ADA2: variants seen among roughly 807,000 people sequenced by gnomAD.
ADA2 encodes the protein adenosine deaminase 2.
ADA2 carries 29 observed loss-of-function variants against 44.2 expected under a neutral mutation model. The observed-to-expected ratio is 0.66, with a 90% CI of 0.49 to 0.89. The LOEUF is 0.89. ADA2 is among the 40% of genes least tolerant of loss of function. The pLI is 0.00. For synonymous variants in ADA2, 215 were observed against 234.9 expected (o/e 0.92, Z 0.77); for missense variants, 637 against 644.8 (o/e 0.99, Z 0.13).
intron 7 of ADA2, among the ~76,000 whole-genome samples, chr22:17,185,371 G>A (rs1389676716): frequency 2.0e-5 from 3 of 151,662 alleles, no homozygotes; most frequent in Non-Finnish European, 4.4e-5. Context: ...AGTTGAGATC[G>A]TGCCACTGCA....
chr22:17,198,695 C>G (rs927856781), intron 4 of ADA2: 1 of 152,202 alleles, frequency 6.6e-6, no homozygotes, highest in African/African-American at 2.4e-5. Context: ...TCCATAAGTG[C>G]CAGCAGGGCC....
intron 1 of ADA2, among the ~76,000 whole-genome samples, chr22:17,211,189 G>C (rs138273536): frequency 6.6e-6 from 1 of 151,700 alleles, no homozygotes; most frequent in Non-Finnish European, 1.5e-5. Flanking sequence ...ATGAAAACCC[G>C]TCCTACTAAA....
rs34453748 is a variant in ADA2 at position 17,187,166 on chromosome 22, C to CAAA, written c.1081+1170_1081+1172dup. Among the ~76,000 whole-genome samples, 21 of 127,438 alleles carry CAAA rather than the reference C, an allele frequency of 1.6e-4. 1 individual carries two copies. Among genetic ancestry groups the CAAA allele is most frequent in the African/African-American group, 3.6e-4 (12 of 33,080 alleles). The allele number at this position is 127,438 out of a possible 152,430, so 83.6% of individuals were successfully genotyped here. A position where few individuals can be genotyped will look rare whatever the true frequency, so the allele number is the denominator to read the frequency against. ...TGGGCCACAGAGCGAGACTCCATCT[C>CAAA]AAAAAAAAAAAAAAAAAATTTGTTT... is the stretch of plus-strand genomic sequence containing the variant. On this transcript the variant is annotated intron_variant, in intron 7 of 9. Coordinates refer to ENST00000399837, the MANE Select transcript of ADA2 (RefSeq NM_001282225.2).
chr22:17,189,745 TC>T, intron 6 of ADA2, 196 bp downstream of exon 6: 2 of 541,452 alleles, frequency 3.7e-6, no homozygotes, highest in Non-Finnish European at 3.3e-6. Flanking sequence ...GTGACAGCCG[TC>T]CCCTGTAGGC....
chr22:17,193,678 TAA>T, intron 4 of ADA2, among the ~76,000 whole-genome samples: 1 of 126,774 alleles, frequency 7.9e-6, no homozygotes, highest in African/African-American at 3.1e-5. Flanking sequence ...AAAAAAAAAC[TAA>T]AAAAAAAAAA....
chr22:17,191,639 T>A (rs755722922), intron 5 of ADA2, 44 bp downstream of exon 5: 53 of 1,516,614 alleles, frequency 3.5e-5, no homozygotes, highest in Middle Eastern at 3.6e-4. Flanking sequence ...TCTGCCTGCA[T>A]CCCAGCCTCC....
intron 7 of ADA2, among the ~76,000 whole-genome samples, chr22:17,186,495 T>C (rs1166829970): frequency 1.3e-5 from 2 of 151,900 alleles, no homozygotes; most frequent in African/African-American, 4.8e-5. Flanking sequence ...GGCACGAGAA[T>C]CACTTGAACC....
At chr22:17,216,766 A>AC (rs754815466) in intron 1 of ADA2, among the ~76,000 whole-genome samples, 1,884 of 111,032 alleles carry the variant, frequency 0.017, 20 homozygotes, top group East Asian at 0.032. Flanking sequence ...CTCAAAAAAA[A>AC]AAAAAACACA....
At chr22:17,218,117 CAGAT>C (rs962916384) in intron 1 of ADA2, among the ~76,000 whole-genome samples, 21 of 152,200 alleles carry the variant, frequency 1.4e-4, no homozygotes, top group African/African-American at 4.8e-4. Context: ...GTTATGTTGA[CAGAT>C]AGGTAATTTT....
chr22:17,210,676 C>A (rs1309073773), intron 1 of ADA2, among the ~76,000 whole-genome samples: 1 of 152,172 alleles, frequency 6.6e-6, no homozygotes. Context: ...TGGCCCTCTA[C>A]AACCTCCGCC....
At position 17,191,686 on chromosome 22, in the gene ADA2, T is replaced by C. The variant is rs767494439; in HGVS notation, c.878A>G (p.His293Arg). Residue 293 changes from histidine (H) to arginine (R), a missense_variant, in exon 5 of 10, where the codon CAC becomes CGC. His to Arg is a conservative substitution (Grantham distance 29, BLOSUM62 0). Transcript: ENST00000399837. ...FIGIKIIYSD[H>R]RSKDVAVIAE... The stretch of plus-strand genomic sequence containing the variant: ...TTTCAGCAATATTCTCTCTCACCTG[T>C]GATCCGAATAAATGATTTTGATTCC... 5.0e-6 allele frequency: 8 copies of C among 1,613,858 alleles called. No homozygotes were observed. The Admixed American group carries it at 1.3e-4, about 27-fold the overall frequency.
chr22:17,183,951 C>T (rs1173001189), intron 7 of ADA2, among the ~76,000 whole-genome samples: 3 of 73,072 alleles, frequency 4.1e-5, no homozygotes, highest in East Asian at 4.0e-4. Context: ...CCCATCACAC[C>T]TTTCTTTTTT....
chr22:17,216,915 C>G (rs2123735682), intron 1 of ADA2, among the ~76,000 whole-genome samples: 1 of 151,708 alleles, frequency 6.6e-6, no homozygotes, highest in Middle Eastern at 3.4e-3. Context: ...CAAAACAAAA[C>G]ACACAGAGAT....
chr22:17,215,863 G>A (rs1192341415), intron 1 of ADA2, among the ~76,000 whole-genome samples: 4 of 152,144 alleles, frequency 2.6e-5, no homozygotes. Flanking sequence ...ACTTCAAGAG[G>A]CTGAGGCAGG....
intron 7 of ADA2, among the ~76,000 whole-genome samples, chr22:17,187,665 T>TAAAAAAAAAAAA (rs34113994): frequency 7.3e-6 from 1 of 136,824 alleles, no homozygotes. Context: ...CACGAAAAAT[T>TAAAAAAAAAAAA]AAAAAAAAAA....
intron 3 of ADA2, 139 bp downstream of exon 3, chr22:17,206,932 G>T: frequency 1.5e-6 from 1 of 648,824 alleles, no homozygotes; most frequent in East Asian, 2.8e-5. Context: ...GGGATTATAG[G>T]CGTGAACCAC....
intron 7 of ADA2, among the ~76,000 whole-genome samples, chr22:17,186,598 G>C (rs372635700): frequency 1.3e-5 from 2 of 149,202 alleles, no homozygotes; most frequent in Non-Finnish European, 3.0e-5. Context: ...ATTTTTTTCC[G>C]TGGCTCAAGC....
In ADA2 at chr22:17,204,807, T is replaced by TTC. The variant is rs2062335494; in HGVS notation, c.543-1035_543-1034insGA. On this transcript the variant is annotated intron_variant, in intron 3 of 9. Coordinates refer to ENST00000399837, the MANE Select transcript of ADA2 (RefSeq NM_001282225.2). Reference sequence around the variant, plus strand: ...AATCAATTCCTTCTTTTTTTTTTTTTTTTTTGAAACAGGGTCTCACTCTGT... The same window carrying TTC: ...AATCAATTCCTTCTTTTTTTTTTTTTTCTTTTTGAAACAGGGTCTCACTCTGT... Among the ~76,000 whole-genome samples, 4 of 150,864 alleles carry TTC rather than the reference T, an allele frequency of 2.7e-5. No individual in the cohort carries two copies. The South Asian group carries it at 8.4e-4, about 32-fold the overall frequency.
Position 17,190,036 on chromosome 22 carries a change from T to C in ADA2, c.882-4A>G. The C allele has an allele frequency of 3.1e-6, 5 of 1,610,260 alleles. No homozygotes were observed. The highest frequency in any genetic ancestry group is 4.2e-6 in the Non-Finnish European group (5 of 1,176,572). On this transcript the variant is annotated splice_region_variant and splice_polypyrimidine_tract_variant and intron_variant, in intron 5 of 9. Coordinates refer to ENST00000399837, the MANE Select transcript of ADA2 (RefSeq NM_001282225.2). Reference sequence around the variant, plus strand: ...GATGACAGCCACATCTTTGGATCTGTGAGACAGACAGAGAAGCCAGGAGAC... The same window carrying C: ...GATGACAGCCACATCTTTGGATCTGCGAGACAGACAGAGAAGCCAGGAGAC...
Sources: gnomAD v4.1 joint callset for allele counts (sites outside exome capture counted in the v4.1 genomes callset) on GRCh38, gnomAD v4.1.1 for gene constraint, MANE v1.5 for transcripts, NCBI Gene and HGNC (gene_info 2026-07-23, HGNC 2026-07-21) for gene names.